The following COLEC12 variants were observed in gnomAD, a reference collection of about 807,000 sequenced individuals.
COLEC12 encodes collectin subfamily member 12, also known as collectin-12.
In COLEC12, 33 loss-of-function variants were observed where a neutral mutation model predicts 71.1. The ratio of observed to expected loss-of-function variants is 0.46; its 90% CI spans 0.35 to 0.62. COLEC12 has a LOEUF of 0.62. COLEC12 is among the 20% of genes least tolerant of loss of function. The pLI is 0.00. For missense variants in COLEC12, 765 were observed against 916.1 expected (o/e 0.84, Z 2.13); for synonymous variants, 350 against 353.0 (o/e 0.99, Z 0.10).
Position 372,670 on chromosome 18 carries a change from G to A in COLEC12, c.59-15148C>T, listed in dbSNP as rs549344691. On this transcript the variant is annotated intron_variant, in intron 2 of 9. Coordinates refer to ENST00000400256, the MANE Select transcript of COLEC12 (RefSeq NM_130386.3). ...TGAGCTCAAGCGATCCACCTGCCTC[G>A]GCCTCCCAAAGTGCTGGGATTACAA... Among the ~76,000 whole-genome samples, 8 of 152,188 alleles carry A rather than the reference G, an allele frequency of 5.3e-5. No homozygotes were observed. The South Asian group carries it at 1.2e-3, about 24-fold the overall frequency.
intron 8 of COLEC12, among the ~76,000 whole-genome samples, chr18:331,294 G>T (rs1227199922): frequency 6.6e-6 from 1 of 152,198 alleles, no homozygotes; most frequent in Non-Finnish European, 1.5e-5. Flanking sequence ...CCAGTCCTTG[G>T]AAACACGCCT....
intron 2 of COLEC12, among the ~76,000 whole-genome samples, chr18:459,157 GAT>G (rs1215825297): frequency 2.0e-4 from 30 of 152,192 alleles, no homozygotes; most frequent in Non-Finnish European, 3.8e-4. Flanking sequence ...CTGGCACTCA[GAT>G]AACTTTTACT....
At chr18:494,367 A>G (rs2143795070) in intron 1 of COLEC12, among the ~76,000 whole-genome samples, 1 of 152,348 alleles carries the variant, frequency 6.6e-6, no homozygotes, top group African/African-American at 2.4e-5. Flanking sequence ...AGGTTATAAT[A>G]CAATATTACA....
In COLEC12 at chr18:319,041, G is replaced by A. The variant is rs532016344; in HGVS notation, c.*1004C>T. 10 of 152,102 alleles carry A rather than the reference G, an allele frequency of 6.6e-5. No individual in the cohort carries two copies. The East Asian group carries it at 1.6e-3, about 24-fold the overall frequency. The allele number at this position is 152,102 out of a possible 1,614,324, so 9.4% of individuals were successfully genotyped here. A position where few individuals can be genotyped will look rare whatever the true frequency, so the allele number is the denominator to read the frequency against. On this transcript the variant is annotated 3_prime_UTR_variant, in exon 10 of 10. Coordinates refer to ENST00000400256, the MANE Select transcript of COLEC12 (RefSeq NM_130386.3). ...ACAGTCATAGCTCAGCCATGACACA[G>A]GGCCTTCCAGATAGGCCAGATTCAG...
At chr18:358,292 C>T (rs931695175) in intron 2 of COLEC12, among the ~76,000 whole-genome samples, 6 of 152,274 alleles carry the variant, frequency 3.9e-5, no homozygotes, top group East Asian at 1.9e-4. Flanking sequence ...GGGATGGTTT[C>T]GGGATGATTC....
intron 2 of COLEC12, among the ~76,000 whole-genome samples, chr18:440,696 T>A (rs1916502178): frequency 6.6e-6 from 1 of 152,180 alleles, no homozygotes; most frequent in Non-Finnish European, 1.5e-5. Context: ...GTCCACTGAT[T>A]CAGAGGGCCA....
At chr18:357,676 G>A (rs1914658595) in intron 2 of COLEC12, among the ~76,000 whole-genome samples, 154 bp from the exon 3 acceptor site, 1 of 152,206 alleles carries the variant, frequency 6.6e-6, no homozygotes, top group Admixed American at 6.5e-5. Flanking sequence ...CACACTGCTT[G>A]AGCAACATAA....
chr18:455,538 T>C (rs1390998546), intron 2 of COLEC12, among the ~76,000 whole-genome samples: 1 of 152,138 alleles, frequency 6.6e-6, no homozygotes, highest in East Asian at 1.9e-4. Context: ...TACAGGTTTG[T>C]TACATAGGTA....
Position 333,152 on chromosome 18 carries a change from G to A in COLEC12, c.1817-9C>T. On this transcript the variant is annotated splice_polypyrimidine_tract_variant and intron_variant, in intron 6 of 9. Coordinates refer to ENST00000400256, the MANE Select transcript of COLEC12 (RefSeq NM_130386.3). ...CCAGTGAGGCGGGCAGCCTAGGAATGCAAAAGTGGAAAACATTGATTAAAA... is the reference window on the plus strand; with the variant it reads ...CCAGTGAGGCGGGCAGCCTAGGAATACAAAAGTGGAAAACATTGATTAAAA... 5 of 1,584,476 alleles carry A rather than the reference G, an allele frequency of 3.2e-6. No individual in the cohort carries two copies. The highest frequency in any genetic ancestry group is 4.3e-6 in the Non-Finnish European group (5 of 1,169,448).
chr18:456,801 G>C (rs1022173129), intron 2 of COLEC12, among the ~76,000 whole-genome samples: 1 of 152,194 alleles, frequency 6.6e-6, no homozygotes, highest in Non-Finnish European at 1.5e-5. Context: ...TGGAGAGATT[G>C]TTCACGAGGA....
intron 2 of COLEC12, chr18:423,847 A>C (rs1488815622): frequency 6.6e-6 from 1 of 152,152 alleles, no homozygotes; most frequent in East Asian, 1.9e-4. Flanking sequence ...AGGTGTAAGA[A>C]GTGCTTGGAG....
intron 8 of COLEC12, among the ~76,000 whole-genome samples, chr18:322,352 G>T (rs1913728570): frequency 6.6e-6 from 1 of 152,162 alleles, no homozygotes; most frequent in Non-Finnish European, 1.5e-5. Flanking sequence ...CAAATAACTG[G>T]TTATGATTGT....
chr18:470,220 ATTTT>A (rs71174234), intron 2 of COLEC12, among the ~76,000 whole-genome samples: 3 of 92,352 alleles, frequency 3.2e-5, no homozygotes, highest in African/African-American at 4.4e-5. Context: ...AGGCCAGGAA[ATTTT>A]TTTTTTTTTT....
chr18:399,806 G>A lies in COLEC12; in HGVS notation c.59-42284C>T, dbSNP rs1312394798. On this transcript the variant is annotated intron_variant, in intron 2 of 9. Coordinates refer to ENST00000400256, the MANE Select transcript of COLEC12 (RefSeq NM_130386.3). The surrounding 1 kb of genome is among the most constrained non-coding windows in gnomAD (Gnocchi z 4.0). ...CACTGAAGGAAGGAGGCTGAGGGCA[G>A]ATATGTGGTGAGGACTATGCTGGTG... 1.3e-5 allele frequency among the ~76,000 whole-genome samples: 2 copies of A among 152,178 alleles called. No homozygotes were observed. The highest frequency in any genetic ancestry group is 2.9e-5 in the Non-Finnish European group (2 of 68,028).
rs1913576432 is a variant in COLEC12, at chr18:317,623, T to C, written c.*2422A>G. On this transcript the variant is annotated 3_prime_UTR_variant, in exon 10 of 10. Transcript: ENST00000400256. The stretch of plus-strand genomic sequence containing the variant: ...CAATAACTTCAGCTGCGAAAGCTAA[T>C]ACTAGTCTATCCTGATGACGGCATC... 6.6e-6 allele frequency: 1 copy of C among 152,242 alleles called. No individual in the cohort carries two copies. Among genetic ancestry groups the C allele is most frequent in the African/African-American group, 2.4e-5 (1 of 41,468 alleles). 9.4% of individuals were successfully genotyped at this position (152,242 alleles called of 1,614,324 possible). A position where few individuals can be genotyped will look rare whatever the true frequency, so the allele number is the denominator to read the frequency against.
intron 1 of COLEC12, among the ~76,000 whole-genome samples, chr18:486,680 G>A (rs1453130628): frequency 6.6e-6 from 1 of 152,224 alleles, no homozygotes; most frequent in African/African-American, 2.4e-5. Flanking sequence ...TAGCAGCCGG[G>A]AAAGCTAAGA....
Position 357,509 on chromosome 18 carries a change from T to C in COLEC12, c.72A>G (p.Gly24=), listed in dbSNP as rs1249254308. ...TATTTTTACATTTGGTACATTGTGTTCCTTCCTGAATACCTGTAAGAGAAG... is the reference window on the plus strand; with the variant it reads ...TATTTTTACATTTGGTACATTGTGTCCCTTCCTGAATACCTGTAAGAGAAG... ...FGYKRFGIQE[G]TQCTKCKNNW... The change falls in exon 3 of 10, where the codon GGA becomes GGG. Residue 24 remains glycine (G), a synonymous_variant. Transcript: ENST00000400256. 6.4e-7 allele frequency: 1 copy of C among 1,568,682 alleles called. No individual in the cohort carries two copies. Among genetic ancestry groups the C allele is most frequent in the Non-Finnish European group, 8.7e-7 (1 of 1,154,722 alleles).
intron 2 of COLEC12, among the ~76,000 whole-genome samples, chr18:396,488 A>C (rs773414025): frequency 6.6e-6 from 1 of 152,222 alleles, no homozygotes; most frequent in Non-Finnish European, 1.5e-5. Context: ...TACTGATTTC[A>C]TCAGGGCCTA....
chr18:410,869 G>T (rs1380496463), intron 2 of COLEC12, among the ~76,000 whole-genome samples: 9 of 152,104 alleles, frequency 5.9e-5, no homozygotes, highest in African/African-American at 2.2e-4. Flanking sequence ...AATAATAAAT[G>T]CTCAACACCA....
Sources: gnomAD v4.1 joint callset for allele counts (sites outside exome capture counted in the v4.1 genomes callset) on GRCh38, gnomAD v4.1.1 for gene constraint, Gnocchi (gnomAD v3.1) non-coding constraint, MANE v1.5 for transcripts, NCBI Gene and HGNC (gene_info 2026-07-23, HGNC 2026-07-21) for gene names.